Variants in ZNF652 observed in about 807,000 individuals in gnomAD.
ZNF652 encodes the protein zinc finger protein 652.
A neutral mutation model predicts 45.2 loss-of-function variants in ZNF652; 16 were observed. That is an observed-to-expected ratio of 0.35 (90% CI 0.24 to 0.54). The LOEUF is 0.54. Among genes scored for constraint, ZNF652 ranks in the 20% least tolerant of loss-of-function variants. The pLI is 0.91. For missense variants in ZNF652, 614 were observed against 765.6 expected (o/e 0.80, Z 2.34); for synonymous variants, 250 against 260.6 (o/e 0.96, Z 0.39).
At chr17:49,342,782 G>A (rs1055723742) in intron 1 of ZNF652, among the ~76,000 whole-genome samples, 1 of 152,136 alleles carries the variant, frequency 6.6e-6, no homozygotes, top group South Asian at 2.1e-4. Flanking sequence ...TCACATAAAA[G>A]TCTTAGCTAT....
At chr17:49,337,115 C>T (rs2070093833) in intron 1 of ZNF652, among the ~76,000 whole-genome samples, 1 of 151,692 alleles carries the variant, frequency 6.6e-6, no homozygotes, top group Non-Finnish European at 1.5e-5. Flanking sequence ...AGGAGGATCA[C>T]TTGAAGCTGG....
intron 1 of ZNF652, among the ~76,000 whole-genome samples, chr17:49,322,212 T>C (rs543303276): frequency 6.6e-6 from 1 of 152,356 alleles, no homozygotes; most frequent in East Asian, 1.9e-4. Context: ...ATGCTATTAG[T>C]AAATAGGGAA....
At position 49,294,005 on chromosome 17, in the gene ZNF652, T is replaced by C. The variant is rs1345196101; in HGVS notation, c.*4408A>G. On this transcript the variant is annotated 3_prime_UTR_variant, in exon 6 of 6. Coordinates refer to ENST00000430262, the MANE Select transcript of ZNF652 (RefSeq NM_001145365.3). ...AAACATTAAAACCGACCTATCATTC[T>C]GTGTTTTACTAACTGAAACCTGCAA... Among the ~76,000 whole-genome samples the C allele has an allele frequency of 6.6e-6, 1 of 152,192 alleles. No individual in the cohort carries two copies. The highest frequency in any genetic ancestry group is 1.5e-5 in the Non-Finnish European group (1 of 68,010).
chr17:49,303,600 C>A (rs1567914556), intron 5 of ZNF652, among the ~76,000 whole-genome samples: 1 of 152,058 alleles, frequency 6.6e-6, no homozygotes, highest in African/African-American at 2.4e-5. Context: ...TTTAAAAGCA[C>A]ATGTTTGATT....
At chr17:49,308,143 T>G (rs2069658847) in intron 5 of ZNF652, among the ~76,000 whole-genome samples, 1 of 152,178 alleles carries the variant, frequency 6.6e-6, no homozygotes, top group South Asian at 2.1e-4. Flanking sequence ...ATTTTCATAG[T>G]TTCCCATATA....
chr17:49,311,655 T>A (rs1227285685), intron 4 of ZNF652, among the ~76,000 whole-genome samples, 199 bp from the exon 5 acceptor site: 1 of 152,254 alleles, frequency 6.6e-6, no homozygotes, highest in African/African-American at 2.4e-5. Context: ...ATCATTGAAG[T>A]ATACTCGACT....
intron 1 of ZNF652, among the ~76,000 whole-genome samples, chr17:49,330,008 G>A (rs1598303519): frequency 6.6e-6 from 1 of 152,146 alleles, no homozygotes; most frequent in Non-Finnish European, 1.5e-5. Flanking sequence ...TGATCACAAT[G>A]TATATTCAGA....
At chr17:49,304,843 C>T (rs1164687886) in intron 5 of ZNF652, among the ~76,000 whole-genome samples, 2 of 151,100 alleles carry the variant, frequency 1.3e-5, no homozygotes, top group African/African-American at 2.4e-5. Flanking sequence ...GGGTGAATAT[C>T]CTTGGGCAGA....
Position 49,331,010 on chromosome 17 carries a change from G to A in ZNF652, c.-258-13027C>T, listed in dbSNP as rs573055775. ...GAGAATTGCTTGAACCCAGGGAGGCGGAGGTTGTGGTGAGCCAAGATTGCA... is the reference window on the plus strand; with the variant it reads ...GAGAATTGCTTGAACCCAGGGAGGCAGAGGTTGTGGTGAGCCAAGATTGCA... On this transcript the variant is annotated intron_variant, in intron 1 of 5. Transcript: ENST00000430262. 7.3e-5 allele frequency among the ~76,000 whole-genome samples: 11 copies of A among 151,526 alleles called. No individual in the cohort carries two copies. The South Asian group carries it at 8.3e-4, about 11-fold the overall frequency.
chr17:49,337,348 AAAAAAAG>A (rs1193586885), intron 1 of ZNF652, among the ~76,000 whole-genome samples: 1 of 151,228 alleles, frequency 6.6e-6, no homozygotes, highest in Non-Finnish European at 1.5e-5. Flanking sequence ...AAAAAAAAAA[AAAAAAAG>A]AAAAAAGAAA....
At chr17:49,359,788 TAAAAC>T (rs925154515) in intron 1 of ZNF652, among the ~76,000 whole-genome samples, 5 of 152,084 alleles carry the variant, frequency 3.3e-5, no homozygotes, top group Non-Finnish European at 5.9e-5. Context: ...ATCCTTCCAT[TAAAAC>T]AAAATTTCAA....
At chr17:49,325,350 G>A (rs1168855526) in intron 1 of ZNF652, among the ~76,000 whole-genome samples, 12 of 152,100 alleles carry the variant, frequency 7.9e-5, no homozygotes, top group South Asian at 2.1e-4. Flanking sequence ...CAGTATGAAC[G>A]CATATAACAT....
chr17:49,306,223 T>C (rs748430444), intron 5 of ZNF652, among the ~76,000 whole-genome samples: 5 of 151,984 alleles, frequency 3.3e-5, no homozygotes, highest in Non-Finnish European at 7.4e-5. Context: ...TATTTCAACA[T>C]TAATGAAATT....
intron 1 of ZNF652, among the ~76,000 whole-genome samples, chr17:49,331,141 G>A (rs1309615933): frequency 7.9e-6 from 1 of 126,552 alleles, no homozygotes; most frequent in Non-Finnish European, 1.8e-5. Flanking sequence ...TTTTTTTTTG[G>A]GACGGAGTCT....
At position 49,362,211 on chromosome 17, in the gene ZNF652, G is replaced by C. The variant is rs928434956; in HGVS notation, c.-561C>G. 1 of 150,808 alleles carries C rather than the reference G, an allele frequency of 6.6e-6. No homozygotes were observed. The highest frequency in any genetic ancestry group is 2.4e-5 in the African/African-American group (1 of 41,170). The allele number at this position is 150,808 out of a possible 1,614,324, so 9.3% of individuals were successfully genotyped here. ...GCGGCAGGGGAGGGGGTGTGCGTGT[G>C]TGGATGTGTGTGCCGGAGGGGGCAG... On this transcript the variant is annotated 5_prime_UTR_variant, in exon 1 of 6. Coordinates refer to ENST00000430262, the MANE Select transcript of ZNF652 (RefSeq NM_001145365.3).
intron 2 of ZNF652, among the ~76,000 whole-genome samples, chr17:49,316,614 C>A (rs2069808081): frequency 6.6e-6 from 1 of 152,178 alleles, no homozygotes; most frequent in Non-Finnish European, 1.5e-5. Context: ...TTCCAGTGTG[C>A]CTGGGTTCCC....
In ZNF652 at chr17:49,353,395, C is replaced by T. The variant is rs191712831; in HGVS notation, c.-259+8514G>A. Among the ~76,000 whole-genome samples, 125 of 152,194 alleles carry T rather than the reference C, an allele frequency of 8.2e-4. 1 individual carries two copies. Among genetic ancestry groups the T allele is most frequent in the Middle Eastern group, 3.4e-3 (1 of 294 alleles). On this transcript the variant is annotated intron_variant, in intron 1 of 5. Transcript: ENST00000430262. ...ATGTTGCTTGGGATGGTCTCAAACTCCTACACTCAAGTGATCCTTCCGCCT... is the reference window on the plus strand; with the variant it reads ...ATGTTGCTTGGGATGGTCTCAAACTTCTACACTCAAGTGATCCTTCCGCCT...
Position 49,332,975 on chromosome 17 carries a change from C to T in ZNF652, c.-258-14992G>A, listed in dbSNP as rs138713904. Among the ~76,000 whole-genome samples the T allele has an allele frequency of 4.6e-5, 7 of 152,142 alleles. No homozygotes were observed. The East Asian group carries it at 1.4e-3, about 29-fold the overall frequency. Reference sequence around the variant, plus strand: ...ATCATATGAACCCAGAAGGTTGAGGCTACAGTGAGTTATAACTGCACCACT... The same window carrying T: ...ATCATATGAACCCAGAAGGTTGAGGTTACAGTGAGTTATAACTGCACCACT... On this transcript the variant is annotated intron_variant, in intron 1 of 5. Coordinates refer to ENST00000430262, the MANE Select transcript of ZNF652 (RefSeq NM_001145365.3).
intron 1 of ZNF652, among the ~76,000 whole-genome samples, chr17:49,345,142 G>C (rs2070190672): frequency 6.6e-6 from 1 of 151,782 alleles, no homozygotes; most frequent in African/African-American, 2.4e-5. Context: ...CCATTCAGAT[G>C]ACTGGCGACT....
Sources: gnomAD v4.1 joint callset for allele counts (sites outside exome capture counted in the v4.1 genomes callset) on GRCh38, gnomAD v4.1.1 for gene constraint, MANE v1.5 for transcripts, NCBI Gene and HGNC (gene_info 2026-07-23, HGNC 2026-07-21) for gene names.